The following HCN1 variants were observed in gnomAD, a reference collection of about 807,000 sequenced individuals.
The protein encoded by HCN1 is hyperpolarization activated cyclic nucleotide gated potassium channel 1, also known as potassium/sodium hyperpolarization-activated cyclic nucleotide-gated channel 1.
A neutral mutation model predicts 78.9 loss-of-function variants in HCN1; 13 were observed. The observed-to-expected ratio is 0.16, with a 90% confidence interval of 0.11 to 0.26. The LOEUF is 0.26. Ranked by LOEUF, HCN1 falls within the 10% of genes least tolerant of loss-of-function variation. HCN1 has a pLI of 1.00. For synonymous variants in HCN1, 552 were observed against 455.5 expected (o/e 1.21, Z -2.70); for missense variants, 810 against 1,154.3 (o/e 0.70, Z 4.32).
chr5:45,672,700 T>C (rs1486612827), intron 1 of HCN1, among the ~76,000 whole-genome samples: 1 of 151,468 alleles, frequency 6.6e-6, no homozygotes, highest in Non-Finnish European at 1.5e-5. Context: ...AAAAATGTTA[T>C]GCAAAAGATC....
chr5:45,632,949 G>T (rs1745295536), intron 2 of HCN1, among the ~76,000 whole-genome samples: 1 of 152,012 alleles, frequency 6.6e-6, no homozygotes, highest in Non-Finnish European at 1.5e-5. Context: ...TGTTGGTCAT[G>T]CAAGTGCCTG....
intron 2 of HCN1, among the ~76,000 whole-genome samples, chr5:45,605,969 G>A (rs1453080107): frequency 6.6e-6 from 1 of 151,838 alleles, no homozygotes; most frequent in Non-Finnish European, 1.5e-5. Flanking sequence ...AAATTCAAAG[G>A]TAAGCATACT....
intron 6 of HCN1, among the ~76,000 whole-genome samples, chr5:45,289,621 C>G (rs1745332905): frequency 6.6e-6 from 1 of 152,058 alleles, no homozygotes; most frequent in African/African-American, 2.4e-5. Context: ...GCATCTTACT[C>G]AGCAAAGTTG....
At chr5:45,290,696 T>C (rs547658986) in intron 6 of HCN1, among the ~76,000 whole-genome samples, 6 of 152,056 alleles carry the variant, frequency 3.9e-5, no homozygotes, top group African/African-American at 1.4e-4. Context: ...GTAAAAATCA[T>C]GTGTTAGTCA....
chr5:45,519,836 A>C (rs1742581614), intron 2 of HCN1, among the ~76,000 whole-genome samples: 1 of 151,470 alleles, frequency 6.6e-6, no homozygotes, highest in African/African-American at 2.4e-5. Context: ...TTTAGCTCTT[A>C]TTTGTTAAAC....
intron 2 of HCN1, among the ~76,000 whole-genome samples, chr5:45,610,770 C>T (rs1744817043): frequency 6.6e-6 from 1 of 151,242 alleles, no homozygotes; most frequent in Admixed American, 6.6e-5. Flanking sequence ...TTAAATTGCA[C>T]ACTTACTATG....
intron 2 of HCN1, among the ~76,000 whole-genome samples, chr5:45,487,832 A>G (rs1356263302): frequency 6.6e-6 from 1 of 152,128 alleles, no homozygotes; most frequent in African/African-American, 2.4e-5. Flanking sequence ...GAAAGTCTGA[A>G]TTAAGTAAAT....
intron 4 of HCN1, among the ~76,000 whole-genome samples, chr5:45,363,232 G>A (rs987808567): frequency 2.0e-5 from 3 of 149,296 alleles, no homozygotes; most frequent in African/African-American, 7.4e-5. Flanking sequence ...GTCTTTCCTT[G>A]TAAGCTGACC....
At chr5:45,464,814 T>A (rs1041912799) in intron 2 of HCN1, among the ~76,000 whole-genome samples, 1 of 85,790 alleles carries the variant, frequency 1.2e-5, no homozygotes, top group African/African-American at 4.7e-5. Context: ...TGTTAAAACT[T>A]TACTCAAGAA....
At position 45,600,981 on chromosome 5, in the gene HCN1, T is replaced by C. The variant is rs73103064; in HGVS notation, c.849+44204A>G. ...GTGAAGCTCAATCACTTTACTTCTCTCCTATAGGATTGAAATATAAAGGAT... is the reference window on the plus strand; with the variant it reads ...GTGAAGCTCAATCACTTTACTTCTCCCCTATAGGATTGAAATATAAAGGAT... On this transcript the variant is annotated intron_variant, in intron 2 of 7. Transcript: ENST00000303230. 8.6e-3 allele frequency among the ~76,000 whole-genome samples: 1,313 copies of C among 152,250 alleles called. 26 individuals are homozygous for C. The highest frequency in any genetic ancestry group is 0.031 in the African/African-American group (1,286 of 41,554).
At chr5:45,314,080 A>C (rs1745920139) in intron 5 of HCN1, among the ~76,000 whole-genome samples, 1 of 152,224 alleles carries the variant, frequency 6.6e-6, no homozygotes, top group Non-Finnish European at 1.5e-5. Context: ...CAAAGTTGAA[A>C]TGAAGGAAAA....
At chr5:45,269,628 T>C (rs534013875) in intron 6 of HCN1, among the ~76,000 whole-genome samples, 1 of 152,332 alleles carries the variant, frequency 6.6e-6, no homozygotes, top group East Asian at 1.9e-4. Flanking sequence ...GGCTTTACTC[T>C]AGGCCACTGA....
intron 2 of HCN1, among the ~76,000 whole-genome samples, chr5:45,492,980 C>G (rs1014754518): frequency 6.6e-6 from 1 of 152,040 alleles, no homozygotes; most frequent in African/African-American, 2.4e-5. Context: ...TCCAGGATAA[C>G]TCATAAAATG....
At chr5:45,423,535 C>T (rs1338394331) in intron 3 of HCN1, among the ~76,000 whole-genome samples, 1 of 152,222 alleles carries the variant, frequency 6.6e-6, no homozygotes, top group African/African-American at 2.4e-5. Flanking sequence ...CTACATTCTA[C>T]ATGTCTGGAA....
chr5:45,312,341 G>T (rs1443879017), intron 5 of HCN1, among the ~76,000 whole-genome samples: 1 of 152,188 alleles, frequency 6.6e-6, no homozygotes. Context: ...TTCTTTGGTT[G>T]ACACGATGTC....
chr5:45,291,659 GC>G (rs1214019118), intron 6 of HCN1, among the ~76,000 whole-genome samples: 1 of 151,564 alleles, frequency 6.6e-6, no homozygotes, highest in Non-Finnish European at 1.5e-5. Flanking sequence ...CCCACTTCAG[GC>G]CCCCCAAGTA....
chr5:45,399,467 G>C, intron 3 of HCN1, among the ~76,000 whole-genome samples: 1 of 152,156 alleles, frequency 6.6e-6, no homozygotes, highest in Non-Finnish European at 1.5e-5. Flanking sequence ...CCAAGCACAG[G>C]GTTCTTTTGA....
At chr5:45,618,017 A>C (rs1744988078) in intron 2 of HCN1, among the ~76,000 whole-genome samples, 1 of 134,598 alleles carries the variant, frequency 7.4e-6, no homozygotes, top group Non-Finnish European at 1.7e-5. Flanking sequence ...GCATTTTCTC[A>C]GGAGCTCATT....
In HCN1 at chr5:45,667,841, CTATTCA is replaced by C. The variant is rs1239766906; in HGVS notation, c.426-22239_426-22234del. On this transcript the variant is annotated intron_variant, in intron 1 of 7. Transcript: ENST00000303230. ...TTCCCAGTTGCTAAAAAAACAACTC[CTATTCA>C]TAAAGTATTTTCACAGTATTAATTT... 7.2e-5 allele frequency among the ~76,000 whole-genome samples: 11 copies of C among 151,922 alleles called. No individual in the cohort carries two copies. The South Asian group carries it at 1.2e-3, about 17-fold the overall frequency.
Sources: gnomAD v4.1 joint callset for allele counts (sites outside exome capture counted in the v4.1 genomes callset) on GRCh38, gnomAD v4.1.1 for gene constraint, MANE v1.5 for transcripts, NCBI Gene and HGNC (gene_info 2026-07-23, HGNC 2026-07-21) for gene names.